Variants in DNAJC8 observed in about 807,000 individuals in gnomAD.
DNAJC8 encodes dnaJ homolog subfamily C member 8.
Under a neutral mutation model 43.2 loss-of-function variants are expected in DNAJC8, and 24 were observed. The observed-to-expected ratio is 0.56, with a 90% CI of 0.40 to 0.78. The LOEUF (loss-of-function observed/expected upper bound fraction) is 0.78, where lower values mean the gene tolerates loss of function less well. DNAJC8 is among the 30% of genes least tolerant of loss of function. The pLI, the probability that DNAJC8 is intolerant of heterozygous loss-of-function variation, is 0.00. For missense variants in DNAJC8, 207 were observed against 299.4 expected, an observed-to-expected ratio of 0.69 and a Z score of 2.28; for synonymous variants, 83 against 98.0, an observed-to-expected ratio of 0.85 and a Z score of 0.90.
chr1:28,206,965 T>G (rs1180736956), intron 6 of DNAJC8, among the ~76,000 whole-genome samples: 1 of 152,168 alleles, frequency 6.6e-6, no homozygotes, highest in Non-Finnish European at 1.5e-5. Context: ...TCAGTATATT[T>G]AAAAGCTCCA....
intron 7 of DNAJC8, among the ~76,000 whole-genome samples, chr1:28,205,044 C>T (rs1646759641): frequency 6.6e-6 from 1 of 152,132 alleles, no homozygotes; most frequent in East Asian, 1.9e-4. Context: ...AAAAAATACA[C>T]TCCCTAAGGA....
chr1:28,213,953 T>C (rs1646833402), intron 3 of DNAJC8, among the ~76,000 whole-genome samples: 1 of 151,942 alleles, frequency 6.6e-6, no homozygotes, highest in Non-Finnish European at 1.5e-5. Context: ...GAGGCACAGG[T>C]TGCAGTGAGC....
intron 3 of DNAJC8, among the ~76,000 whole-genome samples, chr1:28,212,214 T>TATATAA (rs1553167928): frequency 5.3e-5 from 6 of 113,538 alleles, no homozygotes; most frequent in Admixed American, 4.2e-4. Context: ...TATATATATA[T>TATATAA]AAATGAAATT....
intron 4 of DNAJC8, chr1:28,210,295 A>G (rs1021010089): frequency 1.8e-6 from 1 of 564,416 alleles, no homozygotes; most frequent in African/African-American, 1.9e-5. Context: ...ATCTGGATTT[A>G]ATTCAGTGAT....
intron 1 of DNAJC8, 87 bp from the exon 2 acceptor site, chr1:28,229,110 C>G (rs1390471970): frequency 9.0e-7 from 1 of 1,113,216 alleles, no homozygotes; most frequent in Non-Finnish European, 1.3e-6. Context: ...ATATGTTCAA[C>G]AAACATTTAT....
At chr1:28,226,183 T>TA (rs1646933370) in intron 2 of DNAJC8, among the ~76,000 whole-genome samples, 1 of 151,294 alleles carries the variant, frequency 6.6e-6, no homozygotes, top group Non-Finnish European at 1.5e-5. Flanking sequence ...TCTGAACCTA[T>TA]TCTGGTTCAG....
intron 2 of DNAJC8, 47 bp from the exon 3 acceptor site, chr1:28,215,043 C>A: frequency 1.3e-6 from 2 of 1,505,858 alleles, no homozygotes; most frequent in Non-Finnish European, 1.8e-6. Flanking sequence ...AAATAAATTA[C>A]ATGTATATTT....
chr1:28,223,545 A>C (rs952573867), intron 2 of DNAJC8, among the ~76,000 whole-genome samples: 16 of 152,114 alleles, frequency 1.1e-4, no homozygotes, highest in Non-Finnish European at 2.4e-4. Context: ...AGTTGCATAC[A>C]GAGAGATCAA....
chr1:28,202,342 C>T (rs926696039), intron 8 of DNAJC8, among the ~76,000 whole-genome samples: 10 of 152,092 alleles, frequency 6.6e-5, no homozygotes, highest in African/African-American at 1.4e-4. Flanking sequence ...TGCAGTGGTG[C>T]GATCTCGGCT....
At chr1:28,218,080 G>A (rs1018061691) in intron 2 of DNAJC8, among the ~76,000 whole-genome samples, 1 of 150,684 alleles carries the variant, frequency 6.6e-6, no homozygotes, top group African/African-American at 2.4e-5. Flanking sequence ...CATGAAGGTC[G>A]GATGGTTTCT....
At chr1:28,205,176 C>T in intron 7 of DNAJC8, 82 bp downstream of exon 7, 4 of 1,050,866 alleles carry the variant, frequency 3.8e-6, no homozygotes, top group East Asian at 4.9e-5. Context: ...TATATAATTC[C>T]CTCATTAGGA....
intron 2 of DNAJC8, among the ~76,000 whole-genome samples, chr1:28,226,877 T>A (rs79892423): frequency 0.011 from 1,616 of 151,276 alleles, 54 homozygotes; most frequent in Non-Finnish European, 0.015. Flanking sequence ...ATAATGTAAT[T>A]TATAATAAAA....
chr1:28,222,157 T>C (rs919060884), intron 2 of DNAJC8, among the ~76,000 whole-genome samples: 1 of 152,088 alleles, frequency 6.6e-6, no homozygotes, highest in African/African-American at 2.4e-5. Context: ...GGATGGATAA[T>C]AGTAATGGTT....
At chr1:28,229,057 G>A (rs751548767) in intron 1 of DNAJC8, 34 bp from the exon 2 acceptor site, 2 of 1,538,806 alleles carry the variant, frequency 1.3e-6, no homozygotes, top group African/African-American at 1.4e-5. Flanking sequence ...TTCATTAATA[G>A]AATTCAATAA....
chr1:28,203,345 A>T (rs2149014284), intron 8 of DNAJC8, among the ~76,000 whole-genome samples: 2 of 152,304 alleles, frequency 1.3e-5, no homozygotes, highest in South Asian at 4.1e-4. Flanking sequence ...CTGTGGGCAC[A>T]AGAACTTCAG....
At chr1:28,220,229 A>G (rs1466573208) in intron 2 of DNAJC8, among the ~76,000 whole-genome samples, 1 of 152,212 alleles carries the variant, frequency 6.6e-6, no homozygotes, top group Non-Finnish European at 1.5e-5. Flanking sequence ...GTGCCTTCAA[A>G]GCCAATCCAA....
intron 2 of DNAJC8, among the ~76,000 whole-genome samples, chr1:28,216,185 C>T (rs1290397434): frequency 6.6e-6 from 1 of 152,092 alleles, no homozygotes; most frequent in African/African-American, 2.4e-5. Flanking sequence ...CCCGTCTCTA[C>T]TAAAAATACA....
intron 6 of DNAJC8, among the ~76,000 whole-genome samples, chr1:28,206,726 G>A (rs1420567528): frequency 6.6e-6 from 1 of 152,196 alleles, no homozygotes; most frequent in Non-Finnish European, 1.5e-5. Flanking sequence ...AGACATGGAA[G>A]TACAAAAGTA....
chr1:28,210,461 TG>T, intron 4 of DNAJC8, 109 bp downstream of exon 4: 6 of 945,832 alleles, frequency 6.3e-6, no homozygotes, highest in Non-Finnish European at 9.8e-6. Flanking sequence ...CACAGCTTCT[TG>T]GTGACCAGAA....
Sources: allele counts gnomAD v4.1 joint callset (sites outside exome capture counted in the v4.1 genomes callset), GRCh38; gene constraint gnomAD v4.1.1; transcripts MANE v1.5; gene names NCBI Gene and HGNC (gene_info 2026-07-23, HGNC 2026-07-21).